Variants in ZPBP observed in about 807,000 individuals in gnomAD.
The protein encoded by ZPBP is zona pellucida binding protein.
In ZPBP, 26 loss-of-function variants were observed where a neutral mutation model predicts 44.8. The observed-to-expected ratio is 0.58, with a 90% CI of 0.43 to 0.81. The LOEUF (loss-of-function observed/expected upper bound fraction) is 0.81. Among genes scored for constraint, ZPBP ranks in the 30% least tolerant of loss-of-function variants. The pLI is 0.00. For synonymous variants in ZPBP, 174 were observed against 153.2 expected, an observed-to-expected ratio of 1.14 and a Z score of -1.00; for missense variants, 409 against 434.0, an observed-to-expected ratio of 0.94 and a Z score of 0.51.
intron 2 of ZPBP, among the ~76,000 whole-genome samples, chr7:49,859,314 G>GT (rs1335490617): frequency 5.9e-5 from 9 of 152,020 alleles, no homozygotes; most frequent in Admixed American, 1.3e-4. Flanking sequence ...TATCTTTTAT[G>GT]TTTTTTTATT....
chr7:49,872,562 GA>G (rs1791204755), intron 2 of ZPBP, among the ~76,000 whole-genome samples: 1 of 151,598 alleles, frequency 6.6e-6, no homozygotes, highest in Admixed American at 6.6e-5. Context: ...TACAAAACAG[GA>G]AAAAACTACC....
chr7:49,873,201 T>C (rs1180126685), intron 2 of ZPBP, among the ~76,000 whole-genome samples: 1 of 152,162 alleles, frequency 6.6e-6, no homozygotes, highest in Non-Finnish European at 1.5e-5. Context: ...ACAAAATACA[T>C]GAACTGGATG....
intron 3 of ZPBP, among the ~76,000 whole-genome samples, chr7:50,060,805 C>T (rs1368116267): frequency 6.6e-6 from 1 of 152,134 alleles, no homozygotes; most frequent in Non-Finnish European, 1.5e-5. Flanking sequence ...TTTCCTAGCT[C>T]ATTCTATGAG....
chr7:50,082,055 T>C (rs1208093823), intron 2 of ZPBP, among the ~76,000 whole-genome samples, 156 bp from the exon 3 acceptor site: 1 of 151,898 alleles, frequency 6.6e-6, no homozygotes, highest in African/African-American at 2.4e-5. Context: ...TTGCATTCTA[T>C]GCAATTAACA....
At chr7:49,907,074 T>A (rs1441312245) in intron 1 of ZPBP, among the ~76,000 whole-genome samples, 2 of 152,054 alleles carry the variant, frequency 1.3e-5, no homozygotes, top group Middle Eastern at 3.2e-3. Context: ...GGTCTGTGTA[T>A]GGATGTGGAG....
chr7:50,003,714 G>A (rs903000410), intron 6 of ZPBP, among the ~76,000 whole-genome samples: 2 of 152,050 alleles, frequency 1.3e-5, no homozygotes, highest in African/African-American at 2.4e-5. Flanking sequence ...GGAGTAATTG[G>A]GGAAGTACTT....
intron 2 of ZPBP, among the ~76,000 whole-genome samples, chr7:50,087,665 A>C (rs975085499): frequency 2.0e-5 from 3 of 152,072 alleles, no homozygotes; most frequent in Non-Finnish European, 2.9e-5. Context: ...AAATAAAACC[A>C]TTCATTTACA....
intron 2 of ZPBP, among the ~76,000 whole-genome samples, chr7:49,880,660 C>T (rs1452921903): frequency 2.0e-5 from 3 of 151,686 alleles, no homozygotes; most frequent in Non-Finnish European, 4.4e-5. Flanking sequence ...GGGTGGGGAA[C>T]ATCACACACC....
intron 2 of ZPBP, among the ~76,000 whole-genome samples, chr7:50,088,744 G>T (rs1802796186): frequency 6.6e-6 from 1 of 151,900 alleles, no homozygotes. Flanking sequence ...TATAAAAAAA[G>T]AAGATGGATA....
downstream of ZPBP, among the ~76,000 whole-genome samples, chr7:49,848,530 C>T (rs1790050504): frequency 6.6e-6 from 1 of 152,224 alleles, no homozygotes; most frequent in South Asian, 2.1e-4. Context: ...GGTGTGTCTC[C>T]TGTAGCTGTG....
chr7:49,939,896 A>G (rs1022780470), intron 7 of ZPBP, among the ~76,000 whole-genome samples: 2 of 152,024 alleles, frequency 1.3e-5, no homozygotes, highest in Non-Finnish European at 2.9e-5. Context: ...TGCCTGTACA[A>G]CTCCAAGCTG....
At chr7:49,895,806 ATGTT>A (rs1792360755) in intron 2 of ZPBP, among the ~76,000 whole-genome samples, 1 of 152,182 alleles carries the variant, frequency 6.6e-6, no homozygotes, top group Non-Finnish European at 1.5e-5. Context: ...AGTATAATCA[ATGTT>A]AATTAATTAA....
chr7:49,989,266 G>A (rs1168995626), intron 6 of ZPBP, among the ~76,000 whole-genome samples: 2 of 152,104 alleles, frequency 1.3e-5, no homozygotes, highest in Non-Finnish European at 2.9e-5. Flanking sequence ...CCTGTACGGG[G>A]TTCCTAACCT....
At position 49,972,725 on chromosome 7, in the gene ZPBP, C is replaced by T. The variant is rs112470250; in HGVS notation, c.961+10617G>A. On this transcript the variant is annotated intron_variant, in intron 7 of 7. Transcript: ENST00000046087. The stretch of plus-strand genomic sequence containing the variant: ...GCATATTTTTGCAAAAAATAGGAAA[C>T]CTCATCCTAAAATTCACATGGAATC... 6.0e-3 allele frequency among the ~76,000 whole-genome samples: 911 copies of T among 152,068 alleles called. 3 individuals carry two copies. Among genetic ancestry groups the T allele is most frequent in the Middle Eastern group, 0.01 (3 of 294 alleles).
At chr7:49,918,757 T>A (rs552719946) in intron 1 of ZPBP, 2 of 152,336 alleles carry the variant, frequency 1.3e-5, no homozygotes, top group Admixed American at 1.3e-4. Context: ...AGTCAACATA[T>A]GGTGGGTAAC....
chr7:50,037,365 G>A (rs958768224), intron 4 of ZPBP, among the ~76,000 whole-genome samples: 1 of 152,154 alleles, frequency 6.6e-6, no homozygotes, highest in Non-Finnish European at 1.5e-5. Flanking sequence ...GTAATAGTCC[G>A]TTCTCACACT....
chr7:49,915,493 T>C (rs919520091), intron 1 of ZPBP: 1 of 152,220 alleles, frequency 6.6e-6, no homozygotes, highest in Non-Finnish European at 1.5e-5. Flanking sequence ...CCAACATAAA[T>C]GTTGCATTTA....
At chr7:49,871,954 C>CACAT (rs1321078654) in intron 2 of ZPBP, among the ~76,000 whole-genome samples, 9 of 65,890 alleles carry the variant, frequency 1.4e-4, no homozygotes, top group Non-Finnish European at 2.6e-4. Context: ...CACACACACA[C>CACAT]ACACCGAGAA....
intron 3 of ZPBP, among the ~76,000 whole-genome samples, chr7:50,058,761 T>C (rs1181635476): frequency 2.0e-5 from 3 of 152,168 alleles, no homozygotes; most frequent in Non-Finnish European, 4.4e-5. Context: ...GGGGTTAGAA[T>C]GGGATGTAAG....
Sources: allele counts gnomAD v4.1 joint callset (sites outside exome capture counted in the v4.1 genomes callset), GRCh38; gene constraint gnomAD v4.1.1; transcripts MANE v1.5; gene names NCBI Gene and HGNC (gene_info 2026-07-23, HGNC 2026-07-21).